ZNF609: variants seen among roughly 807,000 people sequenced by gnomAD.
The protein encoded by ZNF609 is zinc finger protein 609.
ZNF609 carries 11 observed loss-of-function variants against 109.5 expected under a neutral mutation model. The observed-to-expected ratio is 0.10, with a 90% CI of 0.06 to 0.17. ZNF609 has a LOEUF of 0.17. Among genes scored for constraint, ZNF609 ranks in the 10% least tolerant of loss-of-function variants. The probability of loss-of-function intolerance (pLI) is 1.00; values close to 1 mark genes in which losing one functional copy is unlikely to be tolerated. For synonymous variants in ZNF609, 646 were observed against 662.0 expected (o/e 0.98, Z 0.37); for missense variants, 1,559 against 1,772.4 (o/e 0.88, Z 2.16).
At position 64,572,072 on chromosome 15, in the gene ZNF609, T is replaced by G. The variant is rs192732983; in HGVS notation, c.748-50755T>G. ...ATACTGAAAGATAAAAAGCTAGGTA[T>G]GCAAAAGTTGAGAAAGGGAAAGAGG... On this transcript the variant is annotated intron_variant, in intron 2 of 9. Coordinates refer to ENST00000326648, the MANE Select transcript of ZNF609 (RefSeq NM_015042.2). Among the ~76,000 whole-genome samples, 5 of 152,246 alleles carry G rather than the reference T, an allele frequency of 3.3e-5. No individual in the cohort carries two copies. The East Asian group carries it at 9.6e-4, about 29-fold the overall frequency.
chr15:64,637,324 T>C (rs1354789223), intron 3 of ZNF609, among the ~76,000 whole-genome samples: 1 of 152,208 alleles, frequency 6.6e-6, no homozygotes, highest in Non-Finnish European at 1.5e-5. Flanking sequence ...AGTTTGAGGC[T>C]GTTATAAAAA....
chr15:64,594,359 G>T (rs925539661), intron 2 of ZNF609, among the ~76,000 whole-genome samples: 1 of 151,206 alleles, frequency 6.6e-6, no homozygotes, highest in African/African-American at 2.4e-5. Flanking sequence ...TTGACACGGG[G>T]TCTCACTCTG....
chr15:64,583,182 G>A (rs1323540349), intron 2 of ZNF609, among the ~76,000 whole-genome samples: 3 of 151,040 alleles, frequency 2.0e-5, no homozygotes, highest in Non-Finnish European at 4.4e-5. Flanking sequence ...ACAGGCACCC[G>A]CCACCACACC....
intron 1 of ZNF609, among the ~76,000 whole-genome samples, chr15:64,472,587 G>A (rs111476459): frequency 5.3e-5 from 8 of 152,220 alleles, no homozygotes; most frequent in African/African-American, 1.7e-4. Flanking sequence ...AATATAAGAC[G>A]GGTGCGGTGG....
intron 1 of ZNF609, among the ~76,000 whole-genome samples, chr15:64,463,231 CA>C (rs980899428): frequency 2.8e-4 from 42 of 151,780 alleles, no homozygotes; most frequent in Non-Finnish European, 6.0e-4. Context: ...CCCATCTCAA[CA>C]AAAAATATAA....
At chr15:64,595,900 A>T (rs945096319) in intron 2 of ZNF609, among the ~76,000 whole-genome samples, 2 of 152,168 alleles carry the variant, frequency 1.3e-5, no homozygotes, top group African/African-American at 4.8e-5. Context: ...ATTGACAGAA[A>T]ACTGACCCCA....
At chr15:64,656,694 C>T (rs1471023481) in intron 3 of ZNF609, among the ~76,000 whole-genome samples, 1 of 150,688 alleles carries the variant, frequency 6.6e-6, no homozygotes, top group Non-Finnish European at 1.5e-5. Context: ...TCCTTCTTTT[C>T]TTCCTCCCTT....
At chr15:64,619,399 T>C (rs1895846166) in intron 2 of ZNF609, among the ~76,000 whole-genome samples, 1 of 152,206 alleles carries the variant, frequency 6.6e-6, no homozygotes, top group Non-Finnish European at 1.5e-5. Flanking sequence ...CCACATAGGT[T>C]ATTAGATGAA....
At chr15:64,568,589 A>G (rs951059100) in intron 2 of ZNF609, among the ~76,000 whole-genome samples, 5 of 152,216 alleles carry the variant, frequency 3.3e-5, no homozygotes, top group African/African-American at 1.2e-4. Context: ...TGCATCCATG[A>G]TTAAGAATCA....
intron 2 of ZNF609, among the ~76,000 whole-genome samples, chr15:64,595,795 G>C (rs1219158050): frequency 6.6e-6 from 1 of 152,106 alleles, no homozygotes; most frequent in Admixed American, 6.6e-5. Context: ...AGGAGGTTTG[G>C]GGCAAAGTCT....
chr15:64,670,538 A>G, intron 4 of ZNF609, 105 bp downstream of exon 4: 1 of 945,256 alleles, frequency 1.1e-6, no homozygotes, highest in Middle Eastern at 2.1e-4. Context: ...TTTAAAGGAC[A>G]TGATGGTATA....
chr15:64,661,943 A>T (rs776043439), intron 3 of ZNF609, among the ~76,000 whole-genome samples: 2 of 152,090 alleles, frequency 1.3e-5, no homozygotes, highest in Non-Finnish European at 2.9e-5. Flanking sequence ...GTTGTCTAAA[A>T]CAATAAATAT....
chr15:64,579,733 G>T (rs1472370613), intron 2 of ZNF609, among the ~76,000 whole-genome samples: 1 of 151,568 alleles, frequency 6.6e-6, no homozygotes, highest in South Asian at 2.1e-4. Context: ...TTGTGTTTTT[G>T]TATAGCTCTG....
intron 2 of ZNF609, among the ~76,000 whole-genome samples, chr15:64,554,511 G>A (rs72742913): frequency 0.048 from 7,320 of 151,722 alleles, 235 homozygotes; most frequent in South Asian, 0.086. Context: ...AAAATTAGCC[G>A]GGCAGTTAGA....
intron 2 of ZNF609, among the ~76,000 whole-genome samples, chr15:64,511,902 GC>G (rs760325413): frequency 4.6e-4 from 69 of 151,592 alleles, no homozygotes; most frequent in Non-Finnish European, 8.5e-4. Flanking sequence ...TTTAGTAGAG[GC>G]GGGATTTCAC....
intron 3 of ZNF609, among the ~76,000 whole-genome samples, chr15:64,656,527 A>G (rs926910379): frequency 6.6e-6 from 1 of 151,982 alleles, no homozygotes; most frequent in African/African-American, 2.4e-5. Flanking sequence ...ACTCTTCTTC[A>G]TGTGTGTCAT....
At chr15:64,509,169 C>T (rs1277634284) in intron 2 of ZNF609, among the ~76,000 whole-genome samples, 1 of 151,980 alleles carries the variant, frequency 6.6e-6, no homozygotes, top group African/African-American at 2.4e-5. Flanking sequence ...TAAAAATATC[C>T]TTATATATCT....
intron 2 of ZNF609, among the ~76,000 whole-genome samples, chr15:64,610,282 A>G (rs1895696105): frequency 6.6e-6 from 1 of 152,180 alleles, no homozygotes; most frequent in African/African-American, 2.4e-5. Flanking sequence ...ATGGACACTT[A>G]GAGGGGAACA....
At chr15:64,528,758 T>G in intron 2 of ZNF609, 2 of 928,678 alleles carry the variant, frequency 2.2e-6, no homozygotes, top group Non-Finnish European at 3.5e-6. Context: ...CTTGACAGAG[T>G]GGTCCTTGAG....
Sources: allele counts gnomAD v4.1 joint callset (sites outside exome capture counted in the v4.1 genomes callset), GRCh38; gene constraint gnomAD v4.1.1; transcripts MANE v1.5; gene names NCBI Gene and HGNC (gene_info 2026-07-23, HGNC 2026-07-21).